GRIP1: variants seen among roughly 807,000 people sequenced by gnomAD.
GRIP1 encodes the protein glutamate receptor interacting protein 1.
GRIP1 carries 45 observed loss-of-function variants against 129.9 expected under a neutral mutation model. The ratio of observed to expected loss-of-function variants is 0.35; its 90% CI spans 0.27 to 0.44. The LOEUF is 0.44. GRIP1 is among the 20% of genes least tolerant of loss of function. The probability of loss-of-function intolerance (pLI) is 1.00; values close to 1 mark genes in which losing one functional copy is unlikely to be tolerated. For missense variants in GRIP1, 1,196 were observed against 1,396.8 expected (o/e 0.86, Z 2.29); for synonymous variants, 530 against 520.8 (o/e 1.02, Z -0.24).
At chr12:66,438,704 C>T (rs2058384775) in intron 13 of GRIP1, among the ~76,000 whole-genome samples, 1 of 152,088 alleles carries the variant, frequency 6.6e-6, no homozygotes, top group Non-Finnish European at 1.5e-5. Flanking sequence ...CCATGTTGGG[C>T]AGGCTGGTCT....
chr12:66,432,819 C>G (rs1355744153), intron 13 of GRIP1, among the ~76,000 whole-genome samples, 191 bp from the exon 14 acceptor site: 1 of 152,152 alleles, frequency 6.6e-6, no homozygotes, highest in East Asian at 1.9e-4. Flanking sequence ...TATCCACAGG[C>G]AACTGTGCAT....
At chr12:66,394,626 C>G (rs896927877) in intron 16 of GRIP1, among the ~76,000 whole-genome samples, 6 of 152,208 alleles carry the variant, frequency 3.9e-5, no homozygotes, top group African/African-American at 1.4e-4. Context: ...GACCTTTCAA[C>G]TGTGTCCATG....
chr12:66,602,321 C>A (rs1031933860), intron 1 of GRIP1, among the ~76,000 whole-genome samples: 14 of 152,146 alleles, frequency 9.2e-5, no homozygotes, highest in African/African-American at 3.4e-4. Context: ...ACTGTTAAGG[C>A]TTTTTGACAA....
rs565516179 is a variant in GRIP1 at position 66,741,789 on chromosome 12, T to C, written c.-420+62264A>G. Reference sequence around the variant, plus strand: ...TCTATAGCCAGCCACATGCAGCTAGTGGCTATGGTATTATCAGATAGGACA... The same window carrying C: ...TCTATAGCCAGCCACATGCAGCTAGCGGCTATGGTATTATCAGATAGGACA... On this transcript the variant is annotated intron_variant, in intron 1 of 4. Transcript: ENST00000538373. Among the ~76,000 whole-genome samples, 227 of 152,312 alleles carry C rather than the reference T, an allele frequency of 1.5e-3. 1 individual carries two copies. The highest frequency in any genetic ancestry group is 2.6e-3 in the Non-Finnish European group (177 of 68,008).
At chr12:66,457,187 A>G (rs2058993482) in intron 9 of GRIP1, among the ~76,000 whole-genome samples, 1 of 152,172 alleles carries the variant, frequency 6.6e-6, no homozygotes, top group Admixed American at 6.5e-5. Context: ...GTTCTGAAAT[A>G]TGAGCAATAT....
Position 66,926,479 on chromosome 12 carries a change from G to A in GRIP1, c.58+142571C>T, listed in dbSNP as rs1356327527. Reference sequence around the variant, plus strand: ...CAGTGAAGCTGAGAAACCTGAGTTCGAGTTCTGCCTCCATCATTTACTGTC... The same window carrying A: ...CAGTGAAGCTGAGAAACCTGAGTTCAAGTTCTGCCTCCATCATTTACTGTC... On this transcript the variant is annotated intron_variant, in intron 1 of 1. Coordinates refer to the GRIP1 transcript ENST00000643019. Among the ~76,000 whole-genome samples the A allele has an allele frequency of 2.6e-5, 4 of 152,166 alleles. No individual in the cohort carries two copies. In the East Asian group the frequency reaches 5.8e-4, roughly 22 times the overall value.
chr12:66,359,056 A>G (rs995550695), intron 23 of GRIP1, among the ~76,000 whole-genome samples: 5 of 152,188 alleles, frequency 3.3e-5, no homozygotes, highest in Admixed American at 1.3e-4. Flanking sequence ...CGTCGCCACC[A>G]TTCCTAGAGG....
chr12:66,876,820 A>T (rs1344245480), intron 1 of GRIP1, among the ~76,000 whole-genome samples: 1 of 152,082 alleles, frequency 6.6e-6, no homozygotes, highest in Non-Finnish European at 1.5e-5. Flanking sequence ...AAATGAGTGG[A>T]ACAATTCCAT....
intron 2 of GRIP1, among the ~76,000 whole-genome samples, chr12:66,559,404 A>G (rs1370248797): frequency 1.3e-5 from 2 of 152,158 alleles, no homozygotes; most frequent in Non-Finnish European, 2.9e-5. Context: ...ATCCTTGTTT[A>G]CAAATGACAT....
intron 1 of GRIP1, among the ~76,000 whole-genome samples, chr12:66,825,622 C>T (rs1592881052): frequency 6.6e-6 from 1 of 152,190 alleles, no homozygotes; most frequent in Non-Finnish European, 1.5e-5. Context: ...TCATCCCTAG[C>T]TGCTTCCAGG....
chr12:66,938,456 T>C (rs752607590), intron 1 of GRIP1, among the ~76,000 whole-genome samples: 1 of 152,182 alleles, frequency 6.6e-6, no homozygotes, highest in Non-Finnish European at 1.5e-5. Flanking sequence ...CACTGTTTAT[T>C]TTTATGTTTT....
chr12:66,642,819 C>T (rs139003432), intron 1 of GRIP1, among the ~76,000 whole-genome samples: 1 of 152,196 alleles, frequency 6.6e-6, no homozygotes, highest in East Asian at 1.9e-4. Flanking sequence ...AATTAAAATA[C>T]AGTGATAATA....
intron 1 of GRIP1, among the ~76,000 whole-genome samples, chr12:66,741,013 A>G (rs1000647645): frequency 2.0e-5 from 3 of 152,178 alleles, no homozygotes; most frequent in Non-Finnish European, 4.4e-5. Context: ...AAAATGTCCA[A>G]TTTGACCAAG....
intron 7 of GRIP1, among the ~76,000 whole-genome samples, chr12:66,473,393 G>A (rs2059501790): frequency 6.6e-6 from 1 of 152,186 alleles, no homozygotes; most frequent in South Asian, 2.1e-4. Context: ...GGCAGCTATG[G>A]GTGCAGTTTC....
intron 1 of GRIP1, among the ~76,000 whole-genome samples, chr12:66,929,172 G>A (rs1393945586): frequency 1.3e-5 from 2 of 152,162 alleles, no homozygotes; most frequent in East Asian, 3.9e-4. Flanking sequence ...ACATATGTGA[G>A]GCTACAGATC....
At chr12:66,522,502 G>C (rs375531079) in intron 5 of GRIP1, among the ~76,000 whole-genome samples, 19 of 152,280 alleles carry the variant, frequency 1.2e-4, no homozygotes, top group Middle Eastern at 3.4e-3. Context: ...AACTAACAAA[G>C]AGAAAGGACA....
intron 15 of GRIP1, among the ~76,000 whole-genome samples, chr12:66,417,781 T>C (rs954819111): frequency 2.0e-5 from 3 of 151,930 alleles, no homozygotes; most frequent in Admixed American, 6.6e-5. Context: ...TGAAAGAAAT[T>C]GAAGAGGACA....
chr12:66,678,891 G>A lies in GRIP1; in HGVS notation c.14C>T (p.Ser5Phe). The change falls in exon 1 of 25, where the codon TCT becomes TTT. Residue 5 changes from serine (S) to phenylalanine (F), a missense_variant. Ser to Phe is a radical substitution (Grantham distance 155). Coordinates refer to ENST00000359742, the MANE Select transcript of GRIP1 (RefSeq NM_001366722.1). ...CAGAATTTGACAACGGCATTTAAAAGAGACAGCTATCATTCTTGCTCACTG... is the reference window on the plus strand; with the variant it reads ...CAGAATTTGACAACGGCATTTAAAAAAGACAGCTATCATTCTTGCTCACTG... MIAVSFKCRCQILRR... is the reference protein window; with the variant it reads MIAVFFKCRCQILRR... 1 of 1,613,496 alleles carries A rather than the reference G, an allele frequency of 6.2e-7. No individual in the cohort carries two copies. Among genetic ancestry groups the A allele is most frequent in the East Asian group, 2.2e-5 (1 of 44,808 alleles).
intron 1 of GRIP1, among the ~76,000 whole-genome samples, chr12:66,650,582 C>G (rs1307583176): frequency 6.6e-6 from 1 of 152,156 alleles, no homozygotes; most frequent in Non-Finnish European, 1.5e-5. Context: ...ACACTGTGAT[C>G]AAGAATACCT....
Sources: gnomAD v4.1 joint callset for allele counts (sites outside exome capture counted in the v4.1 genomes callset) on GRCh38, gnomAD v4.1.1 for gene constraint, MANE v1.5 for transcripts, NCBI Gene and HGNC (gene_info 2026-07-23, HGNC 2026-07-21) for gene names.